PSD: variants seen among roughly 807,000 people sequenced by gnomAD.
PSD encodes PH and SEC7 domain-containing protein 1.
PSD carries 32 observed loss-of-function variants against 91.6 expected under a neutral mutation model. The observed-to-expected ratio is 0.35, with a 90% CI of 0.26 to 0.47. PSD has a LOEUF of 0.47. Ranked by LOEUF, PSD falls within the 20% of genes least tolerant of loss-of-function variation. PSD has a pLI of 1.00. For synonymous variants in PSD, 532 were observed against 569.3 expected, an observed-to-expected ratio of 0.93 and a Z score of 0.93; for missense variants, 1,099 against 1,373.9, an observed-to-expected ratio of 0.80 and a Z score of 3.16.
chr10:102,418,781 C>G lies in PSD; in HGVS notation c.-164G>C, dbSNP rs1358666462. 1 of 455,308 alleles carries G rather than the reference C, an allele frequency of 2.2e-6. No individual in the cohort carries two copies. Among genetic ancestry groups the G allele is most frequent in the Admixed American group, 2.4e-5 (1 of 42,530 alleles). 28.2% of individuals were successfully genotyped at this position (455,308 alleles called of 1,614,324 possible). A position where few individuals can be genotyped will look rare whatever the true frequency, so the allele number is the denominator to read the frequency against. On this transcript the variant is annotated 5_prime_UTR_variant, in exon 1 of 17. Transcript: ENST00000020673. ...TGAGCTGTGAAGGCAGCGCGGCTCC[C>G]GTTTGCTCCAGGCCCGCCCGCCTCT...
chr10:102,415,357 C>T, intron 3 of PSD, 128 bp from the exon 4 acceptor site: 1 of 1,134,198 alleles, frequency 8.8e-7, no homozygotes, highest in South Asian at 2.0e-5. Flanking sequence ...GCCACCATTC[C>T]TCCTGCTACA....
chr10:102,418,572 C>T, intron 1 of PSD, 129 bp downstream of exon 1: 1 of 380,352 alleles, frequency 2.6e-6, no homozygotes, highest in South Asian at 1.9e-5. Context: ...GGTAAAGGGG[C>T]CTCTGGTGGC....
rs201088589 is a variant in PSD at position 102,416,818 on chromosome 10, G to A, written c.221C>T (p.Pro74Leu). 1 of 1,598,910 alleles carries A rather than the reference G, an allele frequency of 6.3e-7. No homozygotes were observed. Among genetic ancestry groups the A allele is most frequent in the African/African-American group, 1.3e-5 (1 of 74,866 alleles). Residue 74 changes from proline to leucine, a missense_variant, in exon 2 of 17, where the codon CCC (proline) becomes CTC (leucine). Transcript: ENST00000020673. This position sits in a 1 kb window ranked among gnomAD's most constrained non-coding sequence, Gnocchi z 6.0. ...TAPCTPLRGP[P>L]SPRVAPSPWA... Reference sequence around the variant, plus strand: ...GGGTGAGGGAGCAACACGGGGTGAGGGGGGGCCACGCAGAGGTGTACAGGG... The same window carrying A: ...GGGTGAGGGAGCAACACGGGGTGAGAGGGGGCCACGCAGAGGTGTACAGGG...
Position 102,403,289 on chromosome 10 carries a change from G to A in PSD, c.2986C>T (p.Leu996=), listed in dbSNP as rs1382123459. 6.2e-7 allele frequency: 1 copy of A among 1,613,746 alleles called. No individual in the cohort carries two copies. The highest frequency in any genetic ancestry group is 8.5e-7 in the Non-Finnish European group (1 of 1,179,788). ...GGCTGGCTGGAGGGTTTGGGCTGCA[G>A]GGAGGGACTGGAGTGAGAAGGAGGG... ...GLPPSHSSPS[L]QPKPSSQPRA... Residue 996 remains leucine (L), a synonymous_variant, in exon 17 of 17, where the codon CTG becomes TTG. Coordinates refer to ENST00000020673, the MANE Select transcript of PSD (RefSeq NM_002779.5). The surrounding 1 kb of genome is among the most constrained non-coding windows in gnomAD (Gnocchi z 6.7).
upstream of PSD, chr10:102,419,315 C>T (rs2135465043): frequency 6.5e-6 from 1 of 153,430 alleles, no homozygotes; most frequent in South Asian, 1.9e-4. The surrounding 1 kb of genome is among the most constrained non-coding windows in gnomAD (Gnocchi z 4.8). Context: ...GGAGATCCAA[C>T]CCTGACCACC....
rs772205453 is a variant in PSD, at chr10:102,416,447, C to T, written c.592G>A (p.Gly198Ser). ...AGTGTGGCCAGGCGCTCAGGGGGGCCCCCCAGCCCATTGGGGAGAGAGGAG... is the reference window on the plus strand; with the variant it reads ...AGTGTGGCCAGGCGCTCAGGGGGGCTCCCCAGCCCATTGGGGAGAGAGGAG... ...LYSSLPNGLG[G>S]PPERLATLFG... Residue 198 changes from glycine (G) to serine (S), a missense_variant, in exon 2 of 17, where the codon GGC becomes AGC. Coordinates refer to ENST00000020673, the MANE Select transcript of PSD (RefSeq NM_002779.5). This position sits in a 1 kb window ranked among gnomAD's most constrained non-coding sequence, Gnocchi z 6.0. The T allele has an allele frequency of 6.2e-7, 1 of 1,612,554 alleles. No individual in the cohort carries two copies. The highest frequency in any genetic ancestry group is 1.1e-5 in the South Asian group (1 of 90,788).
chr10:102,409,664 T>C lies in PSD; in HGVS notation c.2091+1194A>G, dbSNP rs1229758979. ...CACCCGCAGATACCCCACCCATATATAGATCTGAAGTCACGTAACACACCT... is the reference window on the plus strand; with the variant it reads ...CACCCGCAGATACCCCACCCATATACAGATCTGAAGTCACGTAACACACCT... On this transcript the variant is annotated intron_variant, in intron 10 of 16. Coordinates refer to ENST00000020673, the MANE Select transcript of PSD (RefSeq NM_002779.5). This position sits in a 1 kb window ranked among gnomAD's most constrained non-coding sequence, Gnocchi z 5.7. Among the ~76,000 whole-genome samples the C allele has an allele frequency of 6.6e-6, 1 of 151,984 alleles. No individual in the cohort carries two copies. The highest frequency in any genetic ancestry group is 2.4e-5 in the African/African-American group (1 of 41,340).
chr10:102,409,406 C>A lies in PSD; in HGVS notation c.2091+1452G>T. ...TCCCCGCGCGGCCACGGGGAGGAGC[C>A]TGGGGAGGCCAGCGTGGGTGGCAGC... On this transcript the variant is annotated intron_variant, in intron 10 of 16. Transcript: ENST00000020673. The surrounding 1 kb of genome is among the most constrained non-coding windows in gnomAD (Gnocchi z 5.7). 3.1e-6 allele frequency: 3 copies of A among 965,374 alleles called. No individual in the cohort carries two copies. The highest frequency in any genetic ancestry group is 2.5e-6 in the Non-Finnish European group (2 of 811,626). The allele number at this position is 965,374 out of a possible 1,614,324, so 59.8% of individuals were successfully genotyped here.
intron 3 of PSD, among the ~76,000 whole-genome samples, chr10:102,415,590 A>G (rs1175787666): frequency 2.6e-5 from 4 of 151,826 alleles, no homozygotes; most frequent in Non-Finnish European, 2.9e-5. Flanking sequence ...CTCCCACCCA[A>G]CCTCCCCAGT....
Position 102,405,287 on chromosome 10 carries a change from G to C in PSD, c.2327-34C>G, listed in dbSNP as rs767274539. On this transcript the variant is annotated intron_variant, in intron 12 of 16. Coordinates refer to ENST00000020673, the MANE Select transcript of PSD (RefSeq NM_002779.5). The surrounding 1 kb of genome is among the most constrained non-coding windows in gnomAD (Gnocchi z 5.4). ...AGAGAAGACAGGTCAGGGGGCCCTG[G>C]AACAGGCCCACTCCCATCCATCCCC... The C allele has an allele frequency of 1.2e-6, 2 of 1,609,382 alleles. No homozygotes were observed. Among genetic ancestry groups the C allele is most frequent in the Non-Finnish European group, 1.7e-6 (2 of 1,179,726 alleles).
In PSD at chr10:102,403,090, G is replaced by A. The variant is rs577311247; in HGVS notation, c.*110C>T. On this transcript the variant is annotated 3_prime_UTR_variant, in exon 17 of 17. Coordinates refer to ENST00000020673, the MANE Select transcript of PSD (RefSeq NM_002779.5). This position sits in a 1 kb window ranked among gnomAD's most constrained non-coding sequence, Gnocchi z 6.7. ...CCCGGACACCGCGTCCGGCGCGGTC[G>A]GGCCCTAGGCCGGGAGGCCCTCGTG... 6.8e-6 allele frequency: 6 copies of A among 887,936 alleles called. No individual in the cohort carries two copies. The highest frequency in any genetic ancestry group is 3.6e-5 in the Admixed American group (1 of 28,082). 55.0% of individuals were successfully genotyped at this position (887,936 alleles called of 1,614,324 possible).
At position 102,405,416 on chromosome 10, in the gene PSD, C is replaced by T. The variant is rs761202693; in HGVS notation, c.2256G>A (p.Glu752=). Residue 752 remains glutamate, a synonymous_variant, in exon 12 of 17, where the codon GAG becomes GAA. Coordinates refer to ENST00000020673, the MANE Select transcript of PSD (RefSeq NM_002779.5). This position sits in a 1 kb window ranked among gnomAD's most constrained non-coding sequence, Gnocchi z 5.4. The stretch of plus-strand genomic sequence containing the variant: ...CGTGCTTGTAGACGGCAGCCCCAGG[C>T]TCGGGAGTCAGGTCCAGGAAAGGGC... ...GSSPFLDLTP[E]PGAAVYKHGA... is the part of the protein sequence containing the mutation. 1 of 1,614,016 alleles carries T rather than the reference C, an allele frequency of 6.2e-7. No individual in the cohort carries two copies.
intron 3 of PSD, among the ~76,000 whole-genome samples, chr10:102,415,449 C>T (rs2061468280): frequency 1.3e-5 from 2 of 152,126 alleles, no homozygotes; most frequent in East Asian, 1.9e-4. Context: ...GGGGGAAGAC[C>T]AGCCTTTTTC....
At chr10:102,412,898 G>T (rs1380388486) in intron 5 of PSD, among the ~76,000 whole-genome samples, 1 of 152,150 alleles carries the variant, frequency 6.6e-6, no homozygotes, top group East Asian at 1.9e-4. Context: ...GCCCTACACA[G>T]AACATAGTCC....
At position 102,413,967 on chromosome 10, in the gene PSD, C is replaced by T. The variant is rs146953868; in HGVS notation, c.1355G>A (p.Arg452Gln). The change falls in exon 5 of 17, where the codon CGG becomes CAG. Residue 452 changes from arginine to glutamine, a missense_variant. Physicochemically the swap from Arg to Gln is conservative, Grantham distance 43 (BLOSUM62 1). Coordinates refer to ENST00000020673, the MANE Select transcript of PSD (RefSeq NM_002779.5). ...FELPPQPPAP[R>Q]PDPPAPAPLA... is the part of the protein sequence containing the mutation. The stretch of plus-strand genomic sequence containing the variant: ...TGGGGCGGGAGCTGGTGGGTCGGGC[C>T]GGGGTGCAGGGGGTTGGGGAGGCAG... The T allele has an allele frequency of 1.7e-4, 241 of 1,399,526 alleles. No homozygotes were observed. The highest frequency in any genetic ancestry group is 2.1e-4 in the South Asian group (18 of 87,454). 86.7% of individuals were successfully genotyped at this position (1,399,526 alleles called of 1,614,324 possible).
At chr10:102,415,691 G>A (rs1353737947) in intron 3 of PSD, among the ~76,000 whole-genome samples, 1 of 152,120 alleles carries the variant, frequency 6.6e-6, no homozygotes, top group East Asian at 1.9e-4. Flanking sequence ...TGGACTCCTG[G>A]CTTTGAGCAG....
Position 102,410,951 on chromosome 10 carries a change from A to G in PSD, c.2002-4T>C, listed in dbSNP as rs2061419138. 6.2e-7 allele frequency: 1 copy of G among 1,613,440 alleles called. No homozygotes were observed. The highest frequency in any genetic ancestry group is 8.5e-7 in the Non-Finnish European group (1 of 1,179,408). On this transcript the variant is annotated splice_region_variant and splice_polypyrimidine_tract_variant and intron_variant, in intron 9 of 16. Transcript: ENST00000020673. The surrounding 1 kb of genome is among the most constrained non-coding windows in gnomAD (Gnocchi z 6.0). ...AGGTCATGCGCTTCCCGATGTTCTA[A>G]GGAAGGGAACGGAGGCCTGTGAGTT...
Position 102,403,108 on chromosome 10 carries a change from C to A in PSD, c.*92G>T. On this transcript the variant is annotated 3_prime_UTR_variant, in exon 17 of 17. Coordinates refer to ENST00000020673, the MANE Select transcript of PSD (RefSeq NM_002779.5). This position sits in a 1 kb window ranked among gnomAD's most constrained non-coding sequence, Gnocchi z 6.7. ...CGCGGTCGGGCCCTAGGCCGGGAGG[C>A]CCTCGTGGGTGGCCCGAGGCCGGCC... The A allele has an allele frequency of 3.7e-6, 4 of 1,082,610 alleles. No individual in the cohort carries two copies. Among genetic ancestry groups the A allele is most frequent in the Non-Finnish European group, 5.0e-6 (4 of 794,742 alleles). 67.1% of individuals were successfully genotyped at this position (1,082,610 alleles called of 1,614,324 possible).
chr10:102,416,577 G>C lies in PSD; in HGVS notation c.462C>G (p.Ser154=), dbSNP rs889835430. 1 of 1,596,372 alleles carries C rather than the reference G, an allele frequency of 6.3e-7. No homozygotes were observed. The highest frequency in any genetic ancestry group is 1.3e-5 in the African/African-American group (1 of 74,402). Residue 154 remains serine, a synonymous_variant, in exon 2 of 17, where the codon TCC becomes TCG. Transcript: ENST00000020673. The surrounding 1 kb of genome is among the most constrained non-coding windows in gnomAD (Gnocchi z 6.0). ...GSNRKLRLEA[S]TSDPLPARGG... is the part of the protein sequence containing the mutation. ...CTCTGGCGGGGAGTGGGTCTGATGTGGATGCTTCCAGCCGTAACTTCCGGT... is the reference window on the plus strand; with the variant it reads ...CTCTGGCGGGGAGTGGGTCTGATGTCGATGCTTCCAGCCGTAACTTCCGGT...
Sources: gnomAD v4.1 joint callset for allele counts (sites outside exome capture counted in the v4.1 genomes callset) on GRCh38, gnomAD v4.1.1 for gene constraint, Gnocchi (gnomAD v3.1) non-coding constraint, MANE v1.5 for transcripts, NCBI Gene and HGNC (gene_info 2026-07-23, HGNC 2026-07-21) for gene names.